The following EHMT1 variants were observed in gnomAD, a reference collection of about 807,000 sequenced individuals.
EHMT1 encodes histone-lysine N-methyltransferase EHMT1.
Under a neutral mutation model 147.2 loss-of-function variants are expected in EHMT1, and 15 were observed. The ratio of observed to expected loss-of-function variants is 0.10; its 90% CI spans 0.07 to 0.16. EHMT1 has a LOEUF of 0.16. Among genes scored for constraint, EHMT1 ranks in the 10% least tolerant of loss-of-function variants. EHMT1 has a pLI of 1.00. For synonymous variants in EHMT1, 795 were observed against 709.6 expected (o/e 1.12, Z -1.91); for missense variants, 1,587 against 1,772.4 (o/e 0.90, Z 1.88).
At chr9:137,784,198 G>A (rs996738944) in intron 15 of EHMT1, 12 of 1,550,062 alleles carry the variant, frequency 7.7e-6, no homozygotes, top group African/African-American at 1.4e-5. Context: ...CAGGAACCAC[G>A]CCAAGAGGAA....
At chr9:137,755,314 G>C (rs1270342272) in intron 8 of EHMT1, among the ~76,000 whole-genome samples, 1 of 152,148 alleles carries the variant, frequency 6.6e-6, no homozygotes, top group African/African-American at 2.4e-5. Context: ...GTGTTCTGTA[G>C]AATTTTATAT....
intron 1 of EHMT1, among the ~76,000 whole-genome samples, chr9:137,635,806 C>G (rs960027340): frequency 1.3e-5 from 2 of 151,202 alleles, no homozygotes; most frequent in African/African-American, 2.4e-5. Flanking sequence ...GGCGACAGAG[C>G]GAGACTGTCT....
At chr9:137,704,890 T>TC (rs1944132483) in intron 1 of EHMT1, among the ~76,000 whole-genome samples, 3 of 145,492 alleles carry the variant, frequency 2.1e-5, no homozygotes, top group African/African-American at 7.6e-5. Flanking sequence ...CCCTCCCTCC[T>TC]TTCCTTTCCT....
chr9:137,722,133 T>C (rs1208441300), intron 3 of EHMT1, among the ~76,000 whole-genome samples: 1 of 152,244 alleles, frequency 6.6e-6, no homozygotes, highest in African/African-American at 2.4e-5. Context: ...TTAGAAACTG[T>C]ACATCATTCG....
At chr9:137,745,544 A>G (rs1053679558) in intron 6 of EHMT1, 20 of 398,504 alleles carry the variant, frequency 5.0e-5, no homozygotes, top group African/African-American at 1.6e-4. Flanking sequence ...AACAGTCACT[A>G]CAGGAACTTC....
At chr9:137,717,572 C>G (rs894668595) in intron 3 of EHMT1, among the ~76,000 whole-genome samples, 3 of 147,448 alleles carry the variant, frequency 2.0e-5, no homozygotes, top group African/African-American at 7.6e-5. Context: ...CCTCACTGCA[C>G]TCCAGCTTGG....
chr9:137,779,777 G>T (rs1324683314), intron 14 of EHMT1, 60 bp downstream of exon 14: 7 of 1,578,702 alleles, frequency 4.4e-6, no homozygotes, highest in African/African-American at 1.3e-5. Flanking sequence ...GAAAGAAGCC[G>T]AGAGCAGTTG....
rs1950968724 is a variant in EHMT1 at position 137,776,481 on chromosome 9, A to G, written c.1792-137A>G. On this transcript the variant is annotated intron_variant, in intron 11 of 26. Transcript: ENST00000460843. This position sits in a 1 kb window ranked among gnomAD's most constrained non-coding sequence, Gnocchi z 4.4. ...CTTCTTAACGATGCCTGGGGCCAAG[A>G]CTGGACCCCACCCCGACCCATGGCT... 1.3e-6 allele frequency: 1 copy of G among 786,676 alleles called. No individual in the cohort carries two copies. Among genetic ancestry groups the G allele is most frequent in the South Asian group, 1.5e-5 (1 of 65,458 alleles). 48.7% of individuals were successfully genotyped at this position (786,676 alleles called of 1,614,324 possible). A position where few individuals can be genotyped will look rare whatever the true frequency, so the allele number is the denominator to read the frequency against.
chr9:137,632,567 G>A (rs1843702501), intron 1 of EHMT1, among the ~76,000 whole-genome samples: 1 of 152,002 alleles, frequency 6.6e-6, no homozygotes. Context: ...CCACACCTAG[G>A]TAATTTTTGT....
chr9:137,661,858 A>G (rs1939120560), intron 1 of EHMT1, among the ~76,000 whole-genome samples: 1 of 152,020 alleles, frequency 6.6e-6, no homozygotes, highest in Admixed American at 6.6e-5. Context: ...GCCGGAGTGC[A>G]ATGCTGCAAT....
At chr9:137,714,793 G>A (rs913140074) in intron 2 of EHMT1, among the ~76,000 whole-genome samples, 3 of 151,940 alleles carry the variant, frequency 2.0e-5, no homozygotes, top group African/African-American at 7.3e-5. Context: ...AAGCGATCAT[G>A]CCTCCTTGGC....
Position 137,834,541 on chromosome 9 carries a change from C to T in EHMT1, c.3716+17C>T. On this transcript the variant is annotated intron_variant, in intron 26 of 26. Transcript: ENST00000460843. ...GCAGCTCGGGTACGCACCGCCCCGG[C>T]CCCTGGCCATCTCCGCTGCCGGCGG... The T allele has an allele frequency of 1.2e-6, 2 of 1,608,786 alleles. No individual in the cohort carries two copies. The highest frequency in any genetic ancestry group is 1.7e-6 in the Non-Finnish European group (2 of 1,179,316).
intron 2 of EHMT1, among the ~76,000 whole-genome samples, chr9:137,714,555 A>ATTTT (rs35445261): frequency 9.5e-5 from 8 of 84,208 alleles, no homozygotes; most frequent in African/African-American, 1.7e-4. Context: ...CAGTTTGCTC[A>ATTTT]TTTTTTTTTT....
intron 1 of EHMT1, chr9:137,666,131 G>A (rs1939620753): frequency 1.3e-5 from 2 of 152,312 alleles, no homozygotes; most frequent in Admixed American, 1.3e-4. Flanking sequence ...GCAGAGCAGG[G>A]ACGCTTGCTG....
intron 18 of EHMT1, among the ~76,000 whole-genome samples, chr9:137,805,459 A>G (rs1355249907): frequency 6.6e-6 from 1 of 152,110 alleles, no homozygotes; most frequent in Admixed American, 6.5e-5. Flanking sequence ...TGTCAGCTCC[A>G]GGGCCCTCTC....
At chr9:137,631,611 C>T (rs1843636238) in intron 1 of EHMT1, among the ~76,000 whole-genome samples, 1 of 151,830 alleles carries the variant, frequency 6.6e-6, no homozygotes, top group South Asian at 2.1e-4. Context: ...CGTGGTGGCT[C>T]ACACCTGTAA....
intron 15 of EHMT1, chr9:137,784,060 C>A: frequency 1.1e-6 from 1 of 948,386 alleles, no homozygotes; most frequent in Non-Finnish European, 1.7e-6. Context: ...TAAGAGAATA[C>A]TTGAGACCGG....
chr9:137,630,869 T>G (rs1843581604), intron 1 of EHMT1, among the ~76,000 whole-genome samples: 1 of 152,112 alleles, frequency 6.6e-6, no homozygotes, highest in African/African-American at 2.4e-5. Flanking sequence ...ATCCAGGGCC[T>G]TGTTACCATG....
chr9:137,817,997 G>A lies in EHMT1; in HGVS notation c.3462-63G>A. ...TCCCTGTGGCTGCGGAGTCTGGGCTGTGCTTGTCTGTGGGCAGTGCTCGCT... is the reference window on the plus strand; with the variant it reads ...TCCCTGTGGCTGCGGAGTCTGGGCTATGCTTGTCTGTGGGCAGTGCTCGCT... On this transcript the variant is annotated intron_variant, in intron 24 of 26. Coordinates refer to ENST00000460843, the MANE Select transcript of EHMT1 (RefSeq NM_024757.5). 2.6e-6 allele frequency: 4 copies of A among 1,516,682 alleles called. No individual in the cohort carries two copies. In the South Asian group the frequency reaches 3.4e-5, roughly 13 times the overall value. 94.0% of individuals were successfully genotyped at this position (1,516,682 alleles called of 1,614,324 possible).
Sources: allele counts gnomAD v4.1 joint callset (sites outside exome capture counted in the v4.1 genomes callset), GRCh38; gene constraint gnomAD v4.1.1; non-coding constraint Gnocchi (gnomAD v3.1); transcripts MANE v1.5; gene names NCBI Gene and HGNC (gene_info 2026-07-23, HGNC 2026-07-21).